Variants in EPRS1 observed in about 807,000 individuals in gnomAD.
EPRS1 encodes bifunctional glutamate/proline--tRNA ligase.
In EPRS1, 107 loss-of-function variants were observed where a neutral mutation model predicts 188.3. The observed-to-expected ratio is 0.57, with a 90% CI of 0.49 to 0.67. The LOEUF (loss-of-function observed/expected upper bound fraction) is 0.67. Among genes scored for constraint, EPRS1 ranks in the 30% least tolerant of loss-of-function variants. EPRS1 has a pLI of 0.00. For missense variants in EPRS1, 1,577 were observed against 1,802.2 expected, an observed-to-expected ratio of 0.88 and a Z score of 2.26; for synonymous variants, 596 against 593.1, an observed-to-expected ratio of 1.00 and a Z score of -0.07.
At chr1:220,045,888 T>C (rs1401658356) in intron 1 of EPRS1, among the ~76,000 whole-genome samples, 1 of 152,176 alleles carries the variant, frequency 6.6e-6, no homozygotes, top group Non-Finnish European at 1.5e-5. Context: ...ACTGAGGATT[T>C]CTCCTGAGAG....
In EPRS1 at chr1:220,025,202, T is replaced by C; in HGVS notation, c.680A>G (p.Asn227Ser). Residue 227 changes from asparagine (N) to serine (S), a missense_variant, in exon 7 of 32, where the codon AAC becomes AGC. Asn to Ser is a conservative substitution (Grantham distance 46). Transcript: ENST00000366923. ...TCTCATGATCAGTTTCCCTTTAAAG[T>C]TAACCTGGTAGTGCTGGTTCAGAAG... Reference protein sequence around the residue: ...AALLNQHYQVNFKGKLIMRFD... With the variant: ...AALLNQHYQVSFKGKLIMRFD... The C allele has an allele frequency of 6.2e-7, 1 of 1,612,838 alleles. No homozygotes were observed. The highest frequency in any genetic ancestry group is 8.5e-7 in the Non-Finnish European group (1 of 1,178,954).
At position 219,968,849 on chromosome 1, in the gene EPRS1, T is replaced by C. The variant is rs1384179170; in HGVS notation, c.4496A>G (p.Lys1499Arg). The C allele has an allele frequency of 1.2e-6, 2 of 1,614,046 alleles. No homozygotes were observed. The highest frequency in any genetic ancestry group is 1.7e-5 in the Admixed American group (1 of 59,996). Residue 1499 changes from lysine (K) to arginine (R), a missense_variant, in exon 32 of 32, where the codon AAG (lysine) becomes AGG (arginine). Physicochemically the swap from Lys to Arg is conservative, Grantham distance 26. Around this residue, in one of 3 missense-constraint regions of EPRS1, gnomAD observed 296 missense variants for 327.9 expected, o/e 0.90. Transcript: ENST00000366923. ...LQPGAKCVCG[K>R]NPAKYYTLFG... is the part of the protein sequence containing the mutation. ...TAAGGTGTAGTACTTGGCAGGGTTC[T>C]TGCCACAGACACATTTGGCTCCAGG...
intron 10 of EPRS1, 23 bp downstream of exon 10, chr1:220,019,965 A>G: frequency 6.6e-7 from 1 of 1,514,666 alleles, no homozygotes. Context: ...CTTCTTGTCA[A>G]TTCTAAGTAA....
chr1:220,002,685 C>T (rs988401838), intron 16 of EPRS1, among the ~76,000 whole-genome samples: 4 of 151,868 alleles, frequency 2.6e-5, no homozygotes, highest in South Asian at 2.1e-4. Context: ...CATGGTGAAA[C>T]CCTGTCTCTA....
chr1:220,032,289 T>C (rs961902357), intron 5 of EPRS1, 98 bp downstream of exon 5: 8 of 860,410 alleles, frequency 9.3e-6, no homozygotes, highest in Non-Finnish European at 1.3e-5. Flanking sequence ...GGTTTCACCG[T>C]GTTATTCAGG....
chr1:219,999,478 C>G (rs775728477), intron 17 of EPRS1, among the ~76,000 whole-genome samples: 11 of 152,068 alleles, frequency 7.2e-5, no homozygotes, highest in Admixed American at 2.0e-4. Flanking sequence ...ACTTACAAGT[C>G]TAAATCCTAA....
At chr1:219,989,035 T>C (rs1323331013) in intron 18 of EPRS1, among the ~76,000 whole-genome samples, 2 of 152,160 alleles carry the variant, frequency 1.3e-5, no homozygotes, top group African/African-American at 4.8e-5. Context: ...CAATTCAACA[T>C]ACAACAGTGT....
At chr1:220,011,319 T>TA (rs749936269) in intron 12 of EPRS1, among the ~76,000 whole-genome samples, 1 of 152,204 alleles carries the variant, frequency 6.6e-6, no homozygotes, top group Non-Finnish European at 1.5e-5. Context: ...AGCATAATAT[T>TA]AGAGTTATTT....
At position 219,968,676 on chromosome 1, in the gene EPRS1, T is replaced by C. The variant is rs1660609046; in HGVS notation, c.*130A>G. The C allele has an allele frequency of 3.6e-6, 3 of 827,734 alleles. No homozygotes were observed. Among genetic ancestry groups the C allele is most frequent in the South Asian group, 3.8e-5 (2 of 52,588 alleles). 51.3% of individuals were successfully genotyped at this position (827,734 alleles called of 1,614,324 possible). A position where few individuals can be genotyped will look rare whatever the true frequency, so the allele number is the denominator to read the frequency against. ...ACTGTTAACTTAGGCATAAGAATAA[T>C]TGTCCTGTGTGACTTCATTTTAGAA... On this transcript the variant is annotated 3_prime_UTR_variant, in exon 32 of 32. Transcript: ENST00000366923.
intron 9 of EPRS1, among the ~76,000 whole-genome samples, 195 bp from the exon 10 acceptor site, chr1:220,020,416 CAACTT>C: frequency 6.6e-6 from 1 of 152,198 alleles, no homozygotes; most frequent in East Asian, 1.9e-4. Context: ...AGTCAGTTGT[CAACTT>C]AGCAGTCAAA....
chr1:220,016,140 T>G (rs1017106199), intron 12 of EPRS1, among the ~76,000 whole-genome samples: 2 of 151,890 alleles, frequency 1.3e-5, no homozygotes, highest in African/African-American at 4.8e-5. Flanking sequence ...GGTCGGGAGT[T>G]CGAGACCAGC....
chr1:220,016,405 T>C lies in EPRS1; in HGVS notation c.1494+2044A>G, dbSNP rs192902686. Among the ~76,000 whole-genome samples the C allele has an allele frequency of 3.8e-3, 538 of 142,358 alleles. 3 individuals are homozygous for C. The highest frequency in any genetic ancestry group is 7.4e-3 in the Middle Eastern group (2 of 272). The allele number at this position is 142,358 out of a possible 152,430, so 93.4% of individuals were successfully genotyped here. Reference sequence around the variant, plus strand: ...GGGTGGGGAGAGGAAAAAAAAAAAATTAATTTTCTTTTTTTTTTCTTTTGA... The same window carrying C: ...GGGTGGGGAGAGGAAAAAAAAAAAACTAATTTTCTTTTTTTTTTCTTTTGA... On this transcript the variant is annotated intron_variant, in intron 12 of 31. Coordinates refer to ENST00000366923, the MANE Select transcript of EPRS1 (RefSeq NM_004446.3).
intron 17 of EPRS1, among the ~76,000 whole-genome samples, chr1:220,000,343 G>A (rs899886613): frequency 2.0e-5 from 3 of 152,156 alleles, no homozygotes; most frequent in Non-Finnish European, 4.4e-5. Flanking sequence ...AGACCCCAAG[G>A]GGTATATAAA....
intron 28 of EPRS1, among the ~76,000 whole-genome samples, chr1:219,976,311 A>G (rs1287999341): frequency 1.3e-5 from 2 of 152,198 alleles, no homozygotes; most frequent in Non-Finnish European, 2.9e-5. Context: ...CTGCAGACTG[A>G]AAGAGACTAA....
chr1:219,997,976 T>C lies in EPRS1; in HGVS notation c.2182-634A>G, dbSNP rs531697181. ...TTATAAATTTACAGGTATCTATTTGTGTATAAAATCTAGAGCTATGTTCAC... is the reference window on the plus strand; with the variant it reads ...TTATAAATTTACAGGTATCTATTTGCGTATAAAATCTAGAGCTATGTTCAC... On this transcript the variant is annotated intron_variant, in intron 17 of 31. Coordinates refer to ENST00000366923, the MANE Select transcript of EPRS1 (RefSeq NM_004446.3). 9.8e-5 allele frequency among the ~76,000 whole-genome samples: 15 copies of C among 152,300 alleles called. No homozygotes were observed. In the South Asian group the frequency reaches 3.1e-3, roughly 32 times the overall value.
intron 13 of EPRS1, among the ~76,000 whole-genome samples, chr1:220,010,359 C>T (rs1421127928): frequency 6.6e-6 from 1 of 152,120 alleles, no homozygotes; most frequent in East Asian, 1.9e-4. Context: ...TCTTATTACA[C>T]ACTAATATGC....
intron 6 of EPRS1, among the ~76,000 whole-genome samples, chr1:220,026,635 A>T (rs1478264030): frequency 6.6e-6 from 1 of 151,606 alleles, no homozygotes; most frequent in African/African-American, 2.4e-5. Flanking sequence ...GGTTCACACC[A>T]TTCTCCTACC....
chr1:219,988,489 G>A (rs1661054475), intron 19 of EPRS1, 101 bp downstream of exon 19: 1 of 729,628 alleles, frequency 1.4e-6, no homozygotes, highest in Non-Finnish European at 2.3e-6. Flanking sequence ...TGAAATATGA[G>A]TAGAAGTTAG....
intron 6 of EPRS1, among the ~76,000 whole-genome samples, chr1:220,029,731 T>C (rs1334016221): frequency 6.6e-6 from 1 of 152,222 alleles, no homozygotes; most frequent in African/African-American, 2.4e-5. Context: ...ATTATAAAGC[T>C]TGTCCAGTAT....
Sources: allele counts gnomAD v4.1 joint callset (sites outside exome capture counted in the v4.1 genomes callset), GRCh38; gene constraint gnomAD v4.1.1; regional missense constraint gnomAD v4.1.1; transcripts MANE v1.5; gene names NCBI Gene and HGNC (gene_info 2026-07-23, HGNC 2026-07-21).